PIK3R5: variants seen among roughly 807,000 people sequenced by gnomAD.
PIK3R5 encodes phosphoinositide 3-kinase regulatory subunit 5.
In PIK3R5, 32 loss-of-function variants were observed where a neutral mutation model predicts 94.9. That is an observed-to-expected ratio of 0.34 (90% CI 0.25 to 0.45). The LOEUF is 0.45. Ranked by LOEUF, PIK3R5 falls within the 20% of genes least tolerant of loss-of-function variation. The pLI is 1.00. For missense variants in PIK3R5, 853 were observed against 1,144.6 expected, an observed-to-expected ratio of 0.75 and a Z score of 3.68; for synonymous variants, 443 against 479.4, an observed-to-expected ratio of 0.92 and a Z score of 0.99.
At chr17:8,956,849 T>C (rs575988217) in intron 1 of PIK3R5, among the ~76,000 whole-genome samples, 2 of 152,220 alleles carry the variant, frequency 1.3e-5, no homozygotes, top group East Asian at 3.9e-4. Context: ...TGAAATGGTG[T>C]TCAATTAGTT....
intron 3 of PIK3R5, among the ~76,000 whole-genome samples, chr17:8,906,611 A>G (rs1025516651): frequency 2.0e-5 from 3 of 152,232 alleles, no homozygotes; most frequent in Non-Finnish European, 4.4e-5. Flanking sequence ...GTCTGGGCCC[A>G]GTGGCTCATG....
chr17:8,926,789 G>T (rs977441498), intron 1 of PIK3R5, among the ~76,000 whole-genome samples: 1 of 152,072 alleles, frequency 6.6e-6, no homozygotes, highest in Admixed American at 6.5e-5. Context: ...ATGGTTACAC[G>T]TCCAAATGCT....
In PIK3R5 at chr17:8,923,392, T is replaced by A. The variant is rs369956366; in HGVS notation, c.-13-11885A>T. On this transcript the variant is annotated intron_variant, in intron 1 of 18. Transcript: ENST00000447110. Reference sequence around the variant, plus strand: ...TGGCAGGCACCGTTCTAGGTGTTTCTATGAATTAAGTCATTAAATCCATGT... The same window carrying A: ...TGGCAGGCACCGTTCTAGGTGTTTCAATGAATTAAGTCATTAAATCCATGT... Among the ~76,000 whole-genome samples, 211 of 152,370 alleles carry A rather than the reference T, an allele frequency of 1.4e-3. 1 individual carries two copies. The highest frequency in any genetic ancestry group is 4.6e-3 in the African/African-American group (190 of 41,586).
intron 1 of PIK3R5, among the ~76,000 whole-genome samples, chr17:8,929,108 T>G (rs1354543059): frequency 6.6e-6 from 1 of 152,052 alleles, no homozygotes; most frequent in African/African-American, 2.4e-5. Context: ...TATAAAAGCA[T>G]TACAGATAAA....
At position 8,911,664 on chromosome 17, in the gene PIK3R5, C is replaced by T. The variant is rs1430227291; in HGVS notation, c.-13-157G>A. ...ACAGGACCAGGGGCCTTACAGCTGC[C>T]TCCAGGGTAGGAATGGCATCTGGAG... On this transcript the variant is annotated intron_variant, in intron 1 of 18. Coordinates refer to ENST00000447110, the MANE Select transcript of PIK3R5 (RefSeq NM_001142633.3). The surrounding 1 kb of genome is among the most constrained non-coding windows in gnomAD (Gnocchi z 5.3). 3 of 583,364 alleles carry T rather than the reference C, an allele frequency of 5.1e-6. No homozygotes were observed. The highest frequency in any genetic ancestry group is 9.2e-6 in the Non-Finnish European group (3 of 326,668). The allele number at this position is 583,364 out of a possible 1,614,324, so 36.1% of individuals were successfully genotyped here.
chr17:8,927,008 T>C (rs1190894007), intron 1 of PIK3R5, among the ~76,000 whole-genome samples: 1 of 151,994 alleles, frequency 6.6e-6, no homozygotes. Flanking sequence ...GAACAATATA[T>C]ATAAAACTAA....
rs1167233036 is a variant in PIK3R5, at chr17:8,925,113, T to C, written c.-13-13606A>G. Reference sequence around the variant, plus strand: ...GATAGATAGAAAGTAGATGGATAGATAGATAGTAGATGGATAGATAGATAG... The same window carrying C: ...GATAGATAGAAAGTAGATGGATAGACAGATAGTAGATGGATAGATAGATAG... On this transcript the variant is annotated intron_variant, in intron 1 of 18. Coordinates refer to ENST00000447110, the MANE Select transcript of PIK3R5 (RefSeq NM_001142633.3). The surrounding 1 kb of genome is among the most constrained non-coding windows in gnomAD (Gnocchi z 5.1). Among the ~76,000 whole-genome samples, 1 of 151,980 alleles carries C rather than the reference T, an allele frequency of 6.6e-6. No homozygotes were observed. The highest frequency in any genetic ancestry group is 2.4e-5 in the African/African-American group (1 of 41,350).
rs1302511113 is a variant in PIK3R5, at chr17:8,893,482, G to T, written c.482+104C>A. 5 of 892,950 alleles carry T rather than the reference G, an allele frequency of 5.6e-6. No homozygotes were observed. Among genetic ancestry groups the T allele is most frequent in the Admixed American group, 1.8e-5 (1 of 55,808 alleles). The allele number at this position is 892,950 out of a possible 1,614,324, so 55.3% of individuals were successfully genotyped here. On this transcript the variant is annotated intron_variant, in intron 6 of 18. Coordinates refer to ENST00000447110, the MANE Select transcript of PIK3R5 (RefSeq NM_001142633.3). The surrounding 1 kb of genome is among the most constrained non-coding windows in gnomAD (Gnocchi z 5.1). ...TGTTGCTGGCTGGGGTGGACAGGGGGTGGGGGCACTGGATGTTTGAGTGGG... is the reference window on the plus strand; with the variant it reads ...TGTTGCTGGCTGGGGTGGACAGGGGTTGGGGGCACTGGATGTTTGAGTGGG...
In PIK3R5 at chr17:8,893,814, C is replaced by A. The variant is rs2090084704; in HGVS notation, c.413-159G>T. 1 of 593,392 alleles carries A rather than the reference C, an allele frequency of 1.7e-6. No homozygotes were observed. The highest frequency in any genetic ancestry group is 2.9e-5 in the East Asian group (1 of 34,684). 36.8% of individuals were successfully genotyped at this position (593,392 alleles called of 1,614,324 possible). A position where few individuals can be genotyped will look rare whatever the true frequency, so the allele number is the denominator to read the frequency against. ...GCTGTTCTGTGGACCCTCCAGGGTG[C>A]CTAGCAGTTTGCTTCTATGCGTCCT... On this transcript the variant is annotated intron_variant, in intron 5 of 18. Transcript: ENST00000447110. This position sits in a 1 kb window ranked among gnomAD's most constrained non-coding sequence, Gnocchi z 5.1.
At chr17:8,931,979 A>C (rs2090994230) in intron 1 of PIK3R5, among the ~76,000 whole-genome samples, 1 of 152,218 alleles carries the variant, frequency 6.6e-6, no homozygotes, top group African/African-American at 2.4e-5. Context: ...AAAACAAGAA[A>C]ATCCAGACGC....
intron 3 of PIK3R5, among the ~76,000 whole-genome samples, chr17:8,906,970 T>C (rs2090409580): frequency 6.6e-6 from 1 of 152,220 alleles, no homozygotes; most frequent in African/African-American, 2.4e-5. Context: ...CCTTGGATAA[T>C]ATCCATCATT....
Position 8,945,282 on chromosome 17 carries a change from G to A in PIK3R5, c.-14+20314C>T, listed in dbSNP as rs979450118. On this transcript the variant is annotated intron_variant, in intron 1 of 18. Coordinates refer to ENST00000447110, the MANE Select transcript of PIK3R5 (RefSeq NM_001142633.3). The surrounding 1 kb of genome is among the most constrained non-coding windows in gnomAD (Gnocchi z 4.0). ...GTGCCAGGAAACCAGCCACTGGGGT[G>A]GGTCATTTGATTGACACTAGCTCCA... Among the ~76,000 whole-genome samples, 1 of 152,180 alleles carries A rather than the reference G, an allele frequency of 6.6e-6. No individual in the cohort carries two copies. The highest frequency in any genetic ancestry group is 2.4e-5 in the African/African-American group (1 of 41,436).
chr17:8,948,147 A>G (rs1037314068), intron 1 of PIK3R5, among the ~76,000 whole-genome samples: 5 of 152,124 alleles, frequency 3.3e-5, no homozygotes, highest in African/African-American at 1.2e-4. Context: ...CCAAACCAGA[A>G]GAAATCAGGC....
chr17:8,898,003 A>C (rs429558), intron 5 of PIK3R5, among the ~76,000 whole-genome samples: 1 of 151,876 alleles, frequency 6.6e-6, no homozygotes, highest in African/African-American at 2.4e-5. Flanking sequence ...TTTAAGGCAT[A>C]GTTGTTTGGG....
Position 8,909,304 on chromosome 17 carries a change from T to C in PIK3R5, c.104-130A>G, listed in dbSNP as rs367579516. On this transcript the variant is annotated intron_variant, in intron 2 of 18. Transcript: ENST00000447110. The surrounding 1 kb of genome is among the most constrained non-coding windows in gnomAD (Gnocchi z 4.3). ...TATTGCACTGGAACACTCTTTTTTT[T>C]TTTTGAGACAGAGTCTTGCTCTGTC... is the stretch of plus-strand genomic sequence containing the variant. The C allele has an allele frequency of 1.7e-5, 10 of 603,918 alleles. No individual in the cohort carries two copies. The East Asian group carries it at 2.7e-4, about 16-fold the overall frequency. The allele number at this position is 603,918 out of a possible 1,614,324, so 37.4% of individuals were successfully genotyped here. A position where few individuals can be genotyped will look rare whatever the true frequency, so the allele number is the denominator to read the frequency against.
chr17:8,886,770 C>G (rs552137663), intron 12 of PIK3R5, among the ~76,000 whole-genome samples, 165 bp from the exon 13 acceptor site: 1 of 152,260 alleles, frequency 6.6e-6, no homozygotes, highest in East Asian at 1.9e-4. Flanking sequence ...GCCCAGCCTC[C>G]ATGCCCCTCA....
rs1293327472 is a variant in PIK3R5, at chr17:8,880,985, C to T, written c.2415G>A (p.Val805=). ...ISTSQIKVDK[V]QIIGSNSCPF... The stretch of plus-strand genomic sequence containing the variant: ...GGCAGCTGTTGGAGCCGATGATCTG[C>T]ACCTTGTCCACTTTGATCTGCGATG... The change falls in exon 18 of 19, where the codon GTG becomes GTA. Residue 805 remains valine (V), a synonymous_variant. Coordinates refer to ENST00000447110, the MANE Select transcript of PIK3R5 (RefSeq NM_001142633.3). 6.2e-7 allele frequency: 1 copy of T among 1,614,144 alleles called. No homozygotes were observed. The highest frequency in any genetic ancestry group is 2.2e-5 in the East Asian group (1 of 44,878).
intron 1 of PIK3R5, among the ~76,000 whole-genome samples, chr17:8,957,669 G>A (rs1455307023): frequency 1.3e-5 from 2 of 152,182 alleles, no homozygotes; most frequent in Admixed American, 1.3e-4. Flanking sequence ...ATAAAGTAAG[G>A]ACCCATGGGA....
intron 1 of PIK3R5, among the ~76,000 whole-genome samples, chr17:8,960,137 A>G (rs756311221): frequency 6.6e-6 from 1 of 152,144 alleles, no homozygotes; most frequent in African/African-American, 2.4e-5. Context: ...TAGTGCTATC[A>G]TCTGATCCTC....
Sources: allele counts gnomAD v4.1 joint callset (sites outside exome capture counted in the v4.1 genomes callset), GRCh38; gene constraint gnomAD v4.1.1; non-coding constraint Gnocchi (gnomAD v3.1); transcripts MANE v1.5; gene names NCBI Gene and HGNC (gene_info 2026-07-23, HGNC 2026-07-21).